Variants in KIF16B observed in about 807,000 individuals in gnomAD.
KIF16B encodes the protein kinesin family member 16B, also known as kinesin-like protein KIF16B.
A neutral mutation model predicts 156.3 loss-of-function variants in KIF16B; 98 were observed. The observed-to-expected ratio is 0.63, with a 90% CI of 0.53 to 0.74. The LOEUF (loss-of-function observed/expected upper bound fraction) is 0.74, where lower values mean the gene tolerates loss of function less well. KIF16B is among the 30% of genes least tolerant of loss of function. The pLI, the probability that KIF16B is intolerant of heterozygous loss-of-function variation, is 0.00. For missense variants in KIF16B, 1,421 were observed against 1,606.5 expected (o/e 0.88, Z 1.97); for synonymous variants, 564 against 583.7 (o/e 0.97, Z 0.49).
intron 20 of KIF16B, among the ~76,000 whole-genome samples, chr20:16,372,875 T>G (rs2064856796): frequency 6.6e-6 from 1 of 152,218 alleles, no homozygotes; most frequent in Non-Finnish European, 1.5e-5. Flanking sequence ...TTTTCATATT[T>G]TTAGTAGAGA....
intron 7 of KIF16B, among the ~76,000 whole-genome samples, chr20:16,507,468 C>T (rs1294024387): frequency 6.6e-6 from 1 of 152,194 alleles, no homozygotes; most frequent in South Asian, 2.1e-4. Context: ...GTTCAAGATG[C>T]TCTCCACCTC....
At chr20:16,342,775 C>T (rs188564051) in intron 23 of KIF16B, among the ~76,000 whole-genome samples, 21 of 152,236 alleles carry the variant, frequency 1.4e-4, no homozygotes, top group East Asian at 5.8e-4. Context: ...TTTATCAACA[C>T]GCAAACAAGA....
chr20:16,369,414 G>T, intron 22 of KIF16B: 1 of 356,212 alleles, frequency 2.8e-6, no homozygotes, highest in Non-Finnish European at 3.9e-6. Flanking sequence ...ATTGATACAT[G>T]ATTAAAGAAT....
At chr20:16,565,976 A>C (rs1600712587) in intron 1 of KIF16B, among the ~76,000 whole-genome samples, 4 of 152,268 alleles carry the variant, frequency 2.6e-5, no homozygotes, top group African/African-American at 9.6e-5. Flanking sequence ...ACGTTCCTAC[A>C]CAAACAGGAA....
intron 1 of KIF16B, among the ~76,000 whole-genome samples, chr20:16,530,876 T>A (rs1035163529): frequency 6.6e-6 from 1 of 152,086 alleles, no homozygotes; most frequent in African/African-American, 2.4e-5. Context: ...TATTTTTGTA[T>A]TTTTTGTAGA....
At chr20:16,381,842 T>C (rs2065105010) in intron 17 of KIF16B, 95 bp from the exon 18 acceptor site, 1 of 1,029,034 alleles carries the variant, frequency 9.7e-7, no homozygotes, top group African/African-American at 1.6e-5. Flanking sequence ...AAAAAGGGCA[T>C]CAGTTTTTCA....
chr20:16,480,155 C>A (rs1189073664), intron 12 of KIF16B, among the ~76,000 whole-genome samples: 1 of 151,918 alleles, frequency 6.6e-6, no homozygotes, highest in African/African-American at 2.4e-5. Context: ...TATATAATGC[C>A]CAGATAGAGG....
chr20:16,465,778 A>T (rs1249524025), intron 12 of KIF16B, among the ~76,000 whole-genome samples: 1 of 152,124 alleles, frequency 6.6e-6, no homozygotes, highest in East Asian at 1.9e-4. Flanking sequence ...AAAAAAAAAA[A>T]AATTATATGT....
chr20:16,546,799 T>A (rs888214935), intron 1 of KIF16B, among the ~76,000 whole-genome samples: 1 of 152,128 alleles, frequency 6.6e-6, no homozygotes, highest in Non-Finnish European at 1.5e-5. Context: ...TTACTTCAGA[T>A]GGAGTCTCAC....
At chr20:16,540,557 C>G (rs766304368) in intron 1 of KIF16B, among the ~76,000 whole-genome samples, 1 of 152,144 alleles carries the variant, frequency 6.6e-6, no homozygotes, top group Non-Finnish European at 1.5e-5. Context: ...TCCTCGTGCC[C>G]TTGCACTTTC....
intron 1 of KIF16B, among the ~76,000 whole-genome samples, chr20:16,568,554 C>T (rs1357139886): frequency 6.6e-6 from 1 of 152,156 alleles, no homozygotes; most frequent in African/African-American, 2.4e-5. Context: ...TGGATCACAC[C>T]TGTAATCCCA....
intron 24 of KIF16B, among the ~76,000 whole-genome samples, chr20:16,314,979 A>C (rs1001782411): frequency 3.3e-5 from 5 of 152,134 alleles, no homozygotes; most frequent in Non-Finnish European, 7.3e-5. Context: ...TGGTGCTGAA[A>C]GCTTGGCAAG....
At chr20:16,468,017 C>T (rs1158063780) in intron 12 of KIF16B, among the ~76,000 whole-genome samples, 1 of 152,038 alleles carries the variant, frequency 6.6e-6, no homozygotes. Context: ...AAATATTAAT[C>T]CAACTATATT....
At chr20:16,516,441 G>A (rs1402413939) in intron 3 of KIF16B, among the ~76,000 whole-genome samples, 1 of 152,190 alleles carries the variant, frequency 6.6e-6, no homozygotes, top group Non-Finnish European at 1.5e-5. Context: ...ATAGCCAGCT[G>A]GAAACAGACA....
chr20:16,326,960 T>TTATATATA (rs144605179), intron 24 of KIF16B, among the ~76,000 whole-genome samples: 2 of 147,526 alleles, frequency 1.4e-5, no homozygotes, highest in Non-Finnish European at 3.0e-5. Context: ...AAAGAAAATG[T>TTATATATA]TATATATATA....
At chr20:16,432,707 T>A (rs1056220389) in intron 12 of KIF16B, among the ~76,000 whole-genome samples, 7 of 151,860 alleles carry the variant, frequency 4.6e-5, no homozygotes, top group Non-Finnish European at 7.4e-5. Context: ...AGACCTGAAG[T>A]CATGCGAGAG....
chr20:16,464,421 A>C (rs1283954369), intron 12 of KIF16B, among the ~76,000 whole-genome samples: 2 of 152,210 alleles, frequency 1.3e-5, no homozygotes, highest in Non-Finnish European at 2.9e-5. Context: ...TGTATTTTTA[A>C]CATTGGTGAT....
chr20:16,375,856 GA>G (rs1196709623), intron 19 of KIF16B, among the ~76,000 whole-genome samples: 1 of 152,196 alleles, frequency 6.6e-6, no homozygotes, highest in Non-Finnish European at 1.5e-5. Context: ...GTCTGAGTGA[GA>G]TTTATATGGA....
At chr20:16,403,347 C>T (rs1568940044) in intron 17 of KIF16B, among the ~76,000 whole-genome samples, 1 of 152,184 alleles carries the variant, frequency 6.6e-6, no homozygotes, top group African/African-American at 2.4e-5. Context: ...AAGGCAACTG[C>T]TAAAACTACT....
Sources: gnomAD v4.1 joint callset for allele counts (sites outside exome capture counted in the v4.1 genomes callset) on GRCh38, gnomAD v4.1.1 for gene constraint, MANE v1.5 for transcripts, NCBI Gene and HGNC (gene_info 2026-07-23, HGNC 2026-07-21) for gene names.